The following DGKB variants were observed in gnomAD, a reference collection of about 807,000 sequenced individuals.
DGKB encodes 90 kDa diacylglycerol kinase.
Under a neutral mutation model 114.3 loss-of-function variants are expected in DGKB, and 67 were observed. The observed-to-expected ratio is 0.59, with a 90% CI of 0.48 to 0.72. The LOEUF is 0.72. Among genes scored for constraint, DGKB ranks in the 30% least tolerant of loss-of-function variants. DGKB has a pLI of 0.00. For synonymous variants in DGKB, 398 were observed against 323.1 expected (o/e 1.23, Z -2.49); for missense variants, 907 against 975.2 (o/e 0.93, Z 0.93).
intron 23 of DGKB, among the ~76,000 whole-genome samples, chr7:14,237,100 A>T (rs1015854961): frequency 2.6e-5 from 4 of 152,042 alleles, no homozygotes; most frequent in African/African-American, 9.7e-5. Flanking sequence ...AACCACAGGT[A>T]AAGTTCCATA....
At chr7:14,686,268 A>C (rs1360710803) in intron 9 of DGKB, among the ~76,000 whole-genome samples, 1 of 152,158 alleles carries the variant, frequency 6.6e-6, no homozygotes, top group Admixed American at 6.5e-5. Context: ...AGATTAAAAT[A>C]AAATGAAATA....
At chr7:14,567,133 A>ATATGTTTATATATATAATATACAAT (rs1563532203) in intron 20 of DGKB, among the ~76,000 whole-genome samples, 28 of 110,190 alleles carry the variant, frequency 2.5e-4, no homozygotes, top group Non-Finnish European at 4.3e-4. Context: ...ATATATAATT[A>ATATGTTTATATATATAATATACAAT]TATGTTTATA....
chr7:14,164,204 C>G (rs1385205503), intron 25 of DGKB, among the ~76,000 whole-genome samples: 2 of 152,058 alleles, frequency 1.3e-5, no homozygotes, highest in Non-Finnish European at 2.9e-5. Context: ...ATGGGTTAGT[C>G]TTTTTCTTTC....
At chr7:14,661,077 GT>G (rs1816967726) in intron 13 of DGKB, among the ~76,000 whole-genome samples, 1 of 151,630 alleles carries the variant, frequency 6.6e-6, no homozygotes, top group South Asian at 2.1e-4. Context: ...AGACTTAAAT[GT>G]TAGACCTAAA....
intron 22 of DGKB, among the ~76,000 whole-genome samples, chr7:14,339,790 T>C (rs1811308034): frequency 6.6e-6 from 1 of 152,008 alleles, no homozygotes; most frequent in African/African-American, 2.4e-5. Flanking sequence ...GTGAGGGATA[T>C]GCATTTCCTA....
intron 21 of DGKB, among the ~76,000 whole-genome samples, chr7:14,364,537 A>G (rs112230415): frequency 6.6e-6 from 1 of 152,084 alleles, no homozygotes; most frequent in African/African-American, 2.4e-5. Flanking sequence ...CCATAAATCT[A>G]TCATCTTGCT....
At chr7:14,432,829 G>A (rs1019277184) in intron 21 of DGKB, among the ~76,000 whole-genome samples, 9 of 151,382 alleles carry the variant, frequency 5.9e-5, no homozygotes, top group Admixed American at 1.3e-4. Context: ...CTTTCTTTCC[G>A]CTATTTAAAT....
At chr7:14,490,415 T>C (rs78507018) in intron 20 of DGKB, among the ~76,000 whole-genome samples, 4,128 of 152,294 alleles carry the variant, frequency 0.027, 191 homozygotes, top group African/African-American at 0.093. Flanking sequence ...GCATAGTTTA[T>C]TTATTTGCAT....
At chr7:14,623,216 T>C (rs183298121) in intron 14 of DGKB, among the ~76,000 whole-genome samples, 256 of 152,306 alleles carry the variant, frequency 1.7e-3, no homozygotes, top group African/African-American at 5.9e-3. Context: ...ATTGTCCTAA[T>C]TGATTGGCAA....
chr7:14,872,456 T>C (rs536678183), intron 1 of DGKB, among the ~76,000 whole-genome samples: 2 of 152,304 alleles, frequency 1.3e-5, no homozygotes, highest in African/African-American at 2.4e-5. Flanking sequence ...ATTGCAGAAT[T>C]TACAGAAAGT....
intron 1 of DGKB, among the ~76,000 whole-genome samples, chr7:14,971,276 A>T (rs907134167): frequency 2.6e-5 from 4 of 152,152 alleles, no homozygotes; most frequent in African/African-American, 9.7e-5. Context: ...AATAGTCATA[A>T]ATAAATATAT....
At chr7:14,878,626 G>A (rs1195985950) in intron 1 of DGKB, among the ~76,000 whole-genome samples, 2 of 151,666 alleles carry the variant, frequency 1.3e-5, no homozygotes, top group East Asian at 1.9e-4. Flanking sequence ...GCGGGCGCCT[G>A]TAGTCCCAGC....
At chr7:14,296,982 T>C (rs908433030) in intron 23 of DGKB, among the ~76,000 whole-genome samples, 8 of 152,124 alleles carry the variant, frequency 5.3e-5, no homozygotes, top group East Asian at 3.9e-4. Flanking sequence ...CCTGGACACA[T>C]ACACCCTCCC....
At chr7:14,734,229 CG>C (rs1831371547) in intron 5 of DGKB, among the ~76,000 whole-genome samples, 1 of 151,472 alleles carries the variant, frequency 6.6e-6, no homozygotes, top group Non-Finnish European at 1.5e-5. Context: ...TTAGTAGAGA[CG>C]GGGTTTCACC....
At chr7:14,149,964 G>A (rs755115454) in intron 25 of DGKB, among the ~76,000 whole-genome samples, 7 of 152,036 alleles carry the variant, frequency 4.6e-5, no homozygotes, top group Non-Finnish European at 7.4e-5. Flanking sequence ...AGTAGATTAC[G>A]TCTGCAATTT....
At chr7:14,234,709 T>C (rs17708599) in intron 23 of DGKB, among the ~76,000 whole-genome samples, 15,282 of 152,106 alleles carry the variant, frequency 0.1, 991 homozygotes, top group Non-Finnish European at 0.15. Flanking sequence ...TCGATGCTTT[T>C]CTATTGGCAG....
At chr7:14,825,611 G>A (rs1586753028) in intron 2 of DGKB, among the ~76,000 whole-genome samples, 1 of 152,220 alleles carries the variant, frequency 6.6e-6, no homozygotes, top group Non-Finnish European at 1.5e-5. Context: ...GCGAGTGGCT[G>A]TAAATACAGA....
At chr7:14,211,187 C>T (rs1053461624) in intron 23 of DGKB, among the ~76,000 whole-genome samples, 1 of 152,084 alleles carries the variant, frequency 6.6e-6, no homozygotes, top group Non-Finnish European at 1.5e-5. Context: ...TATCTTCACG[C>T]TGCTAAAATC....
intron 21 of DGKB, among the ~76,000 whole-genome samples, chr7:14,429,363 C>G (rs1324004215): frequency 6.6e-6 from 1 of 152,022 alleles, no homozygotes; most frequent in African/African-American, 2.4e-5. Flanking sequence ...AGATGTACAT[C>G]TGTGAATTAG....
Sources: gnomAD v4.1 joint callset for allele counts (sites outside exome capture counted in the v4.1 genomes callset) on GRCh38, gnomAD v4.1.1 for gene constraint, MANE v1.5 for transcripts, NCBI Gene and HGNC (gene_info 2026-07-23, HGNC 2026-07-21) for gene names.